Variants in ATP12A observed in about 807,000 individuals in gnomAD.
ATP12A encodes ATPase H+/K+ transporting non-gastric alpha2 subunit.
Under a neutral mutation model 111.2 loss-of-function variants are expected in ATP12A, and 81 were observed. That is an observed-to-expected ratio of 0.73 (90% CI 0.61 to 0.88). ATP12A has a LOEUF of 0.88. Among genes scored for constraint, ATP12A ranks in the 40% least tolerant of loss-of-function variants. The pLI is 0.00. For synonymous variants in ATP12A, 498 were observed against 499.8 expected, an observed-to-expected ratio of 1.00 and a Z score of 0.05; for missense variants, 1,196 against 1,313.1, an observed-to-expected ratio of 0.91 and a Z score of 1.38.
intron 3 of ATP12A, 110 bp from the exon 4 acceptor site, chr13:24,688,209 T>TA (rs1186397020): frequency 7.8e-7 from 1 of 1,279,730 alleles, no homozygotes; most frequent in African/African-American, 1.5e-5. Context: ...TTTGGCCACG[T>TA]TAATGCCTCA....
intron 13 of ATP12A, among the ~76,000 whole-genome samples, chr13:24,701,461 A>G (rs1396924450): frequency 6.9e-6 from 1 of 144,948 alleles, no homozygotes; most frequent in African/African-American, 2.6e-5. Flanking sequence ...AGATCACACC[A>G]TTGCACTCCA....
chr13:24,685,454 T>C lies in ATP12A; in HGVS notation c.228+81T>C. The C allele has an allele frequency of 6.8e-7, 1 of 1,464,582 alleles. No individual in the cohort carries two copies. Among genetic ancestry groups the C allele is most frequent in the Non-Finnish European group, 9.6e-7 (1 of 1,045,208 alleles). The allele number at this position is 1,464,582 out of a possible 1,614,324, so 90.7% of individuals were successfully genotyped here. A position where few individuals can be genotyped will look rare whatever the true frequency, so the allele number is the denominator to read the frequency against. On this transcript the variant is annotated intron_variant, in intron 3 of 22. Coordinates refer to ENST00000381946, the MANE Select transcript of ATP12A (RefSeq NM_001676.7). This position sits in a 1 kb window ranked among gnomAD's most constrained non-coding sequence, Gnocchi z 5.5. ...AGGCTGTGTGTGGCGGGGGGCTGTGTGGAAGAGTAGCGGCACCTTTAGGAG... is the reference window on the plus strand; with the variant it reads ...AGGCTGTGTGTGGCGGGGGGCTGTGCGGAAGAGTAGCGGCACCTTTAGGAG...
At chr13:24,691,617 A>G (rs931701522) in intron 8 of ATP12A, among the ~76,000 whole-genome samples, 2 of 147,358 alleles carry the variant, frequency 1.4e-5, no homozygotes, top group Non-Finnish European at 3.0e-5. Flanking sequence ...ACATTGCCAC[A>G]CTCCACTTAC....
rs767752774 is a variant in ATP12A, at chr13:24,698,698, T to G, written c.1553T>G (p.Phe518Cys). 1 of 1,613,912 alleles carries G rather than the reference T, an allele frequency of 6.2e-7. No individual in the cohort carries two copies. ...ATGGATGACCCCCACGGCAAGCGCT[T>G]CCTCATGGTGATGAAGGGGGCCCCT... ...HEMDDPHGKR[F>C]LMVMKGAPER... is the part of the protein sequence containing the mutation. The change falls in exon 12 of 23, where the codon TTC becomes TGC. Residue 518 changes from phenylalanine (F) to cysteine (C), a missense_variant. Physicochemically the swap from Phe to Cys is radical, Grantham distance 205 (BLOSUM62 -2). This residue lies in a region of ATP12A where 1,126 missense variants were observed against 1,228.5 expected (regional missense o/e 0.92). Transcript: ENST00000381946.
rs1876000197 is a variant in ATP12A, at chr13:24,712,114, CT to C, written c.*593del. The C allele has an allele frequency of 6.4e-6, 1 of 155,266 alleles. No individual in the cohort carries two copies. Among genetic ancestry groups the C allele is most frequent in the Admixed American group, 6.3e-5 (1 of 15,966 alleles). The allele number at this position is 155,266 out of a possible 1,614,324, so 9.6% of individuals were successfully genotyped here. ...CTTGAAGGCCCTTGCCACAGTTTCC[CT>C]GGCCACGCCACCCCATCCCACCTCT... On this transcript the variant is annotated 3_prime_UTR_variant, in exon 23 of 23. Coordinates refer to ENST00000381946, the MANE Select transcript of ATP12A (RefSeq NM_001676.7).
intron 2 of ATP12A, among the ~76,000 whole-genome samples, chr13:24,684,896 C>T (rs1199957635): frequency 1.3e-5 from 2 of 152,314 alleles, no homozygotes; most frequent in East Asian, 3.9e-4. Flanking sequence ...GTTGTGCCAG[C>T]CCAGGAAGCG....
rs1875933575 is a variant in ATP12A, at chr13:24,710,824, A to G, written c.2930A>G (p.Gln977Arg). Residue 977 changes from glutamine (Q) to arginine (R), a missense_variant, in exon 21 of 23, where the codon CAG (glutamine) becomes CGG (arginine). Gln to Arg is a conservative substitution (Grantham distance 43). Around this residue, in one of 3 missense-constraint regions of ATP12A, gnomAD observed 1,126 missense variants for 1,228.5 expected, o/e 0.92. Coordinates refer to ENST00000381946, the MANE Select transcript of ATP12A (RefSeq NM_001676.7). The stretch of plus-strand genomic sequence containing the variant: ...GTCATCTGGGTGGGGATCACCTCAC[A>G]GATCATCATTGGTCTGATCCTCTCC... Reference protein sequence around the residue: ...NKVIWVGITSQIIIGLILSYG... With the variant: ...NKVIWVGITSRIIIGLILSYG... 6.2e-7 allele frequency: 1 copy of G among 1,614,242 alleles called. No homozygotes were observed. The highest frequency in any genetic ancestry group is 1.7e-5 in the Admixed American group (1 of 60,030).
rs1442493474 is a variant in ATP12A, at chr13:24,711,486, C to T, written c.3092-8C>T. 1 of 1,614,148 alleles carries T rather than the reference C, an allele frequency of 6.2e-7. No homozygotes were observed. Among genetic ancestry groups the T allele is most frequent in the Admixed American group, 1.7e-5 (1 of 60,020 alleles). ...CCATTTCTGATGTACTTTTTTCTAC[C>T]TCTACAGGCTGGTGGGATAAGAACA... On this transcript the variant is annotated splice_region_variant and splice_polypyrimidine_tract_variant and intron_variant, in intron 22 of 22. Coordinates refer to ENST00000381946, the MANE Select transcript of ATP12A (RefSeq NM_001676.7).
chr13:24,686,085 G>T (rs1218630875), intron 3 of ATP12A, among the ~76,000 whole-genome samples: 2 of 152,136 alleles, frequency 1.3e-5, no homozygotes, highest in East Asian at 3.8e-4. Context: ...AAATGGAAGG[G>T]TCTAGAAGAA....
At chr13:24,696,064 A>T (rs1456557711) in intron 11 of ATP12A, among the ~76,000 whole-genome samples, 1 of 152,202 alleles carries the variant, frequency 6.6e-6, no homozygotes, top group Non-Finnish European at 1.5e-5. Context: ...GTGAAAATAG[A>T]GTGCGCAACA....
chr13:24,688,291 G>A, intron 3 of ATP12A, 28 bp from the exon 4 acceptor site: 1 of 1,591,160 alleles, frequency 6.3e-7, no homozygotes, highest in Non-Finnish European at 8.6e-7. Flanking sequence ...TGTTTTGGTT[G>A]TGCATGTGCT....
At chr13:24,708,685 G>A (rs1478617493) in intron 17 of ATP12A, among the ~76,000 whole-genome samples, 1 of 151,812 alleles carries the variant, frequency 6.6e-6, no homozygotes, top group East Asian at 1.9e-4. Flanking sequence ...GTCCAGCCTG[G>A]TCAACACAGA....
chr13:24,704,267 A>G (rs7322182), intron 14 of ATP12A: 91,043 of 152,194 alleles, frequency 0.6, 27,794 homozygotes, highest in South Asian at 0.74. Flanking sequence ...CAGAGTGTAG[A>G]GATTACAGGC....
chr13:24,708,090 G>A (rs1875749252), intron 17 of ATP12A, among the ~76,000 whole-genome samples: 1 of 152,098 alleles, frequency 6.6e-6, no homozygotes, highest in South Asian at 2.1e-4. Flanking sequence ...ATAACCACTG[G>A]GGGCCCAGTG....
At chr13:24,708,962 AAGG>A (rs199743366) in intron 17 of ATP12A, among the ~76,000 whole-genome samples, 2,496 of 96,822 alleles carry the variant, frequency 0.026, 88 homozygotes, top group African/African-American at 0.061. Flanking sequence ...AGAAAGAAAG[AAGG>A]AAAGAGAAAG....
intron 14 of ATP12A, among the ~76,000 whole-genome samples, chr13:24,703,106 A>G (rs1020769588): frequency 5.3e-5 from 8 of 152,238 alleles, no homozygotes; most frequent in African/African-American, 1.7e-4. Context: ...CCTGAAGTCT[A>G]AGAGTCTTGC....
In ATP12A at chr13:24,709,443, G is replaced by C. The variant is rs576600296; in HGVS notation, c.2573G>C (p.Arg858Thr). ...AAGCCTCGCCACAAGAATAAGGACA[G>C]GCTGGTGAACCAGCCGCTCGCTGTG... Reference protein sequence around the residue: ...NRKPRHKNKDRLVNQPLAVYS... With the variant: ...NRKPRHKNKDTLVNQPLAVYS... The change falls in exon 18 of 23, where the codon AGG becomes ACG. Residue 858 changes from arginine to threonine, a missense_variant. Arg to Thr is a moderately conservative substitution (Grantham distance 71). Around this residue, in one of 3 missense-constraint regions of ATP12A, gnomAD observed 1,126 missense variants for 1,228.5 expected, o/e 0.92. Coordinates refer to ENST00000381946, the MANE Select transcript of ATP12A (RefSeq NM_001676.7). 3 of 1,614,082 alleles carry C rather than the reference G, an allele frequency of 1.9e-6. No individual in the cohort carries two copies. The highest frequency in any genetic ancestry group is 2.7e-5 in the African/African-American group (2 of 75,040).
rs563558506 is a variant in ATP12A at position 24,696,760 on chromosome 13, G to A, written c.1513-1898G>A. The stretch of plus-strand genomic sequence containing the variant: ...AAAAAAAAAAAAGAAAGGGGAGAGG[G>A]GCTGTGTGAGTTCCTGCTGAAGAGG... On this transcript the variant is annotated intron_variant, in intron 11 of 22. Transcript: ENST00000381946. Among the ~76,000 whole-genome samples the A allele has an allele frequency of 1.8e-4, 18 of 99,936 alleles. 3 individuals carry two copies. The East Asian group carries it at 6.5e-3, about 36-fold the overall frequency. 65.6% of individuals were successfully genotyped at this position (99,936 alleles called of 152,430 possible). A position where few individuals can be genotyped will look rare whatever the true frequency, so the allele number is the denominator to read the frequency against.
intron 10 of ATP12A, among the ~76,000 whole-genome samples, chr13:24,693,429 T>C (rs1407998499): frequency 6.6e-6 from 1 of 152,120 alleles, no homozygotes; most frequent in African/African-American, 2.4e-5. Flanking sequence ...TTGCCATCTG[T>C]TTCCTTCCCT....
Sources: allele counts gnomAD v4.1 joint callset (sites outside exome capture counted in the v4.1 genomes callset), GRCh38; gene constraint gnomAD v4.1.1; regional missense constraint gnomAD v4.1.1; non-coding constraint Gnocchi (gnomAD v3.1); transcripts MANE v1.5; gene names NCBI Gene and HGNC (gene_info 2026-07-23, HGNC 2026-07-21).